AK7: variants seen among roughly 807,000 people sequenced by gnomAD.
The protein encoded by AK7 is adenylate kinase 7.
AK7 carries 78 observed loss-of-function variants against 96.6 expected under a neutral mutation model. That is an observed-to-expected ratio of 0.81 (90% CI 0.67 to 0.97). The LOEUF (loss-of-function observed/expected upper bound fraction) is 0.97, where lower values mean the gene tolerates loss of function less well. AK7 is among the 50% of genes least tolerant of loss of function. AK7 has a pLI of 0.00. For missense variants in AK7, 855 were observed against 887.9 expected (o/e 0.96, Z 0.47); for synonymous variants, 302 against 317.2 (o/e 0.95, Z 0.51).
At chr14:96,409,296 G>A (rs972677836) in intron 4 of AK7, among the ~76,000 whole-genome samples, 3 of 152,202 alleles carry the variant, frequency 2.0e-5, no homozygotes, top group Non-Finnish European at 4.4e-5. Flanking sequence ...ATATAGGCTG[G>A]GTGCGATGGC....
Position 96,404,717 on chromosome 14 carries a change from T to TA in AK7, c.295-39dup, listed in dbSNP as rs1890604957. 6 of 1,367,106 alleles carry TA rather than the reference T, an allele frequency of 4.4e-6. No homozygotes were observed. The East Asian group carries it at 1.4e-4, about 32-fold the overall frequency. 84.7% of individuals were successfully genotyped at this position (1,367,106 alleles called of 1,614,324 possible). ...CATTGAAATATGAAGGTTACCTTGT[T>TA]AGCGTCTTGCTGCAAATGGCTGTCA... is the stretch of plus-strand genomic sequence containing the variant. On this transcript the variant is annotated intron_variant, in intron 2 of 17. Transcript: ENST00000267584.
chr14:96,439,164 G>A (rs1365853465), intron 6 of AK7, among the ~76,000 whole-genome samples: 2 of 152,030 alleles, frequency 1.3e-5, no homozygotes, highest in Admixed American at 6.6e-5. Flanking sequence ...ATATAATCAT[G>A]GGAGCTGTCA....
rs114723307 is a variant in AK7 at position 96,398,248 on chromosome 14, G to A, written c.279G>A (p.Ala93=). 3.7e-5 allele frequency: 59 copies of A among 1,613,082 alleles called. No individual in the cohort carries two copies. Among genetic ancestry groups the A allele is most frequent in the Middle Eastern group, 1.9e-4 (1 of 5,258 alleles). Reference sequence around the variant, plus strand: ...CTGACAGCCCGCGGCCTGACTTTGCGGTGGAGACGTACTCTGTAAGTCCCG... The same window carrying A: ...CTGACAGCCCGCGGCCTGACTTTGCAGTGGAGACGTACTCTGTAAGTCCCG... The part of the protein sequence containing the change: ...SKPDSPRPDF[A]VETYSAISRE... Residue 93 remains alanine (A), a synonymous_variant, in exon 2 of 18, where the codon GCG becomes GCA. Coordinates refer to ENST00000267584, the MANE Select transcript of AK7 (RefSeq NM_152327.5).
intron 1 of AK7, 111 bp downstream of exon 1, chr14:96,392,370 T>C: frequency 1.1e-6 from 1 of 927,706 alleles, no homozygotes; most frequent in Non-Finnish European, 1.6e-6. Context: ...GTCGGGGCCT[T>C]TCCTCAGGGA....
In AK7 at chr14:96,477,853, C is replaced by G. The variant is rs530080710; in HGVS notation, c.1556-612C>G. Among the ~76,000 whole-genome samples the G allele has an allele frequency of 4.6e-5, 7 of 152,292 alleles. No individual in the cohort carries two copies. The South Asian group carries it at 1.2e-3, about 27-fold the overall frequency. On this transcript the variant is annotated intron_variant, in intron 14 of 17. Transcript: ENST00000267584. ...CAAAGCATTTTGCTTGTAGCCATAGCTCTCTTTGGAAGCCTGTGATAATTG... is the reference window on the plus strand; with the variant it reads ...CAAAGCATTTTGCTTGTAGCCATAGGTCTCTTTGGAAGCCTGTGATAATTG...
At position 96,398,235 on chromosome 14, in the gene AK7, G is replaced by T. The variant is rs773293078; in HGVS notation, c.266G>T (p.Arg89Leu). 2 of 1,613,498 alleles carry T rather than the reference G, an allele frequency of 1.2e-6. No homozygotes were observed. Among genetic ancestry groups the T allele is most frequent in the Non-Finnish European group, 1.7e-6 (2 of 1,179,998 alleles). The change falls in exon 2 of 18, where the codon CGG (arginine) becomes CTG (leucine). Residue 89 changes from arginine (R) to leucine (L), a missense_variant. Transcript: ENST00000267584. ...ACGCTGTCCAAGCCTGACAGCCCGC[G>T]GCCTGACTTTGCGGTGGAGACGTAC... Reference protein sequence around the residue: ...VGTLSKPDSPRPDFAVETYSA... With the variant: ...VGTLSKPDSPLPDFAVETYSA...
chr14:96,481,754 G>A (rs1895516648), intron 15 of AK7, among the ~76,000 whole-genome samples: 1 of 149,296 alleles, frequency 6.7e-6, no homozygotes, highest in African/African-American at 2.5e-5. Flanking sequence ...ACCCAAGCTG[G>A]AGTACAGTAG....
chr14:96,405,428 C>G (rs1028962683), intron 3 of AK7, among the ~76,000 whole-genome samples: 1 of 152,032 alleles, frequency 6.6e-6, no homozygotes, highest in African/African-American at 2.4e-5. Flanking sequence ...AAGCCATCCT[C>G]CAGCCTCAGC....
chr14:96,403,114 T>TTAAA (rs59930782), intron 2 of AK7, among the ~76,000 whole-genome samples: 22,677 of 140,036 alleles, frequency 0.16, 2,063 homozygotes, highest in African/African-American at 0.24. Context: ...AGACTCTGTC[T>TTAAA]TAAATAAATA....
At chr14:96,485,627 T>C (rs1440626941) in intron 16 of AK7, among the ~76,000 whole-genome samples, 1 of 152,220 alleles carries the variant, frequency 6.6e-6, no homozygotes, top group East Asian at 1.9e-4. Flanking sequence ...ATTGCAGTTT[T>C]TCTTAATTCA....
intron 4 of AK7, among the ~76,000 whole-genome samples, chr14:96,417,235 C>A (rs1183383877): frequency 6.6e-6 from 1 of 152,200 alleles, no homozygotes; most frequent in African/African-American, 2.4e-5. Context: ...ATACAGGACA[C>A]CCAGTTAGAT....
chr14:96,481,531 A>G (rs1305810271), intron 15 of AK7, among the ~76,000 whole-genome samples: 1 of 151,328 alleles, frequency 6.6e-6, no homozygotes, highest in African/African-American at 2.4e-5. Context: ...TTTTTGGTAG[A>G]GACAGGGTTT....
chr14:96,471,493 A>G lies in AK7; in HGVS notation c.1373A>G (p.Gln458Arg). The G allele has an allele frequency of 6.8e-7, 1 of 1,473,696 alleles. No individual in the cohort carries two copies. Among genetic ancestry groups the G allele is most frequent in the Non-Finnish European group, 9.3e-7 (1 of 1,070,976 alleles). The allele number at this position is 1,473,696 out of a possible 1,614,324, so 91.3% of individuals were successfully genotyped here. A position where few individuals can be genotyped will look rare whatever the true frequency, so the allele number is the denominator to read the frequency against. ...TTTTTATCAGGTCAACTAGACGATC[A>G]ATATATAATTAGATTTATGAAAGAA... ...MEQNAGQLDDQYIIRFMKEKL... is the reference protein window; with the variant it reads ...MEQNAGQLDDRYIIRFMKEKL... Residue 458 changes from glutamine to arginine, a missense_variant, in exon 13 of 18, where the codon CAA becomes CGA. Physicochemically the swap from Gln to Arg is conservative, Grantham distance 43. Transcript: ENST00000267584.
Position 96,448,630 on chromosome 14 carries a change from T to TAAAAA in AK7, c.871-1142_871-1138dup, listed in dbSNP as rs71103528. ...GGGCAATAGAACAAGACCCTATCTC[T>TAAAAA]AAAAAAAAAAAAAAAAAAAAAAAAA... On this transcript the variant is annotated intron_variant, in intron 8 of 17. Transcript: ENST00000267584. Among the ~76,000 whole-genome samples the TAAAAA allele has an allele frequency of 1.3e-3, 97 of 74,890 alleles. 5 individuals are homozygous for TAAAAA. Among genetic ancestry groups the TAAAAA allele is most frequent in the Middle Eastern group, 8.8e-3 (1 of 114 alleles). 49.1% of individuals were successfully genotyped at this position (74,890 alleles called of 152,430 possible). A position where few individuals can be genotyped will look rare whatever the true frequency, so the allele number is the denominator to read the frequency against.
intron 10 of AK7, 23 bp from the exon 11 acceptor site, chr14:96,456,324 T>TTCCTTACTCTC: frequency 6.2e-7 from 1 of 1,604,548 alleles, no homozygotes; most frequent in Non-Finnish European, 8.5e-7. Flanking sequence ...TTGCTGTATG[T>TTCCTTACTCTC]TCCTTACTCT....
intron 12 of AK7, among the ~76,000 whole-genome samples, chr14:96,465,099 A>G (rs1894483464): frequency 6.6e-6 from 1 of 152,242 alleles, no homozygotes; most frequent in Non-Finnish European, 1.5e-5. Flanking sequence ...ACAACAATTC[A>G]GTGAGTTTAC....
chr14:96,430,580 T>C, intron 5 of AK7, among the ~76,000 whole-genome samples: 1 of 152,138 alleles, frequency 6.6e-6, no homozygotes, highest in Non-Finnish European at 1.5e-5. Flanking sequence ...ATGGATTACG[T>C]TTATTGATTT....
intron 5 of AK7, among the ~76,000 whole-genome samples, chr14:96,426,361 T>A (rs1892028320): frequency 6.6e-6 from 1 of 152,198 alleles, no homozygotes; most frequent in Non-Finnish European, 1.5e-5. Context: ...TATTTATATC[T>A]TATTGTACTG....
intron 12 of AK7, 116 bp downstream of exon 12, chr14:96,458,328 G>C (rs1466783317): frequency 7.4e-7 from 1 of 1,345,342 alleles, no homozygotes; most frequent in Non-Finnish European, 9.9e-7. Flanking sequence ...GGGCGCCATG[G>C]CTCATGCCTG....
Sources: gnomAD v4.1 joint callset for allele counts (sites outside exome capture counted in the v4.1 genomes callset) on GRCh38, gnomAD v4.1.1 for gene constraint, MANE v1.5 for transcripts, NCBI Gene and HGNC (gene_info 2026-07-23, HGNC 2026-07-21) for gene names.